PDHX: variants seen among roughly 807,000 people sequenced by gnomAD.
The protein encoded by PDHX is pyruvate dehydrogenase protein X component, mitochondrial.
A neutral mutation model predicts 55.3 loss-of-function variants in PDHX; 33 were observed. The ratio of observed to expected loss-of-function variants is 0.60; its 90% CI spans 0.45 to 0.80. The LOEUF (loss-of-function observed/expected upper bound fraction) is 0.80. Among genes scored for constraint, PDHX ranks in the 30% least tolerant of loss-of-function variants. PDHX has a pLI of 0.00. For missense variants in PDHX, 622 were observed against 619.9 expected, an observed-to-expected ratio of 1.00 and a Z score of -0.04; for synonymous variants, 226 against 219.4, an observed-to-expected ratio of 1.03 and a Z score of -0.27.
chr11:34,917,111 C>T (rs1853738774), intron 1 of PDHX, among the ~76,000 whole-genome samples: 1 of 152,156 alleles, frequency 6.6e-6, no homozygotes, highest in Non-Finnish European at 1.5e-5. Flanking sequence ...ACTCTCCTCC[C>T]TCAGCCCCCT....
At chr11:34,946,045 G>A (rs538495440) in intron 2 of PDHX, among the ~76,000 whole-genome samples, 131 of 152,232 alleles carry the variant, frequency 8.6e-4, no homozygotes, top group Non-Finnish European at 1.6e-3. Context: ...CTCAGTCTTT[G>A]TCACTTAACT....
At chr11:34,962,878 T>G (rs79881701) in intron 5 of PDHX, among the ~76,000 whole-genome samples, 7,237 of 152,236 alleles carry the variant, frequency 0.048, 539 homozygotes, top group African/African-American at 0.16. Flanking sequence ...GAAACATTTC[T>G]TAAGAACAAA....
chr11:34,970,883 C>G (rs1489241754), intron 7 of PDHX, among the ~76,000 whole-genome samples: 1 of 152,104 alleles, frequency 6.6e-6, no homozygotes, highest in Non-Finnish European at 1.5e-5. Flanking sequence ...ATCTGAAGTA[C>G]TATAATTTGG....
At chr11:34,994,809 T>A in intron 10 of PDHX, 105 bp from the exon 11 acceptor site, 1 of 1,231,890 alleles carries the variant, frequency 8.1e-7, no homozygotes, top group African/African-American at 1.5e-5. Context: ...TATTTTTTTC[T>A]TGCCTTACTA....
At chr11:34,957,129 A>G (rs1372507521) in intron 3 of PDHX, among the ~76,000 whole-genome samples, 1 of 152,208 alleles carries the variant, frequency 6.6e-6, no homozygotes, top group East Asian at 1.9e-4. Flanking sequence ...GCTCTCAGAA[A>G]GAGGATACAT....
At chr11:34,967,142 G>A (rs556132559) in intron 6 of PDHX, among the ~76,000 whole-genome samples, 10 of 152,184 alleles carry the variant, frequency 6.6e-5, no homozygotes, top group African/African-American at 2.2e-4. Flanking sequence ...GTGAATCACC[G>A]CACCTGGCCT....
At chr11:34,939,361 G>T (rs520658) in intron 2 of PDHX, among the ~76,000 whole-genome samples, 1 of 152,074 alleles carries the variant, frequency 6.6e-6, no homozygotes, top group African/African-American at 2.4e-5. Flanking sequence ...ACTTCTAAGC[G>T]AAGACTAGAT....
At chr11:34,959,786 A>G (rs1185449347) in intron 4 of PDHX, among the ~76,000 whole-genome samples, 1 of 152,188 alleles carries the variant, frequency 6.6e-6, no homozygotes, top group Non-Finnish European at 1.5e-5. Context: ...TATGCTCAGT[A>G]AAATAAGCCA....
At chr11:34,949,451 T>A (rs1211858883) in intron 3 of PDHX, among the ~76,000 whole-genome samples, 1 of 147,762 alleles carries the variant, frequency 6.8e-6, no homozygotes, top group Non-Finnish European at 1.5e-5. Context: ...TTGGTCAGGC[T>A]GGTTTTGAAC....
At chr11:34,991,906 C>CAAAAAAAAAA (rs1169109545) in intron 9 of PDHX, among the ~76,000 whole-genome samples, 9 of 37,176 alleles carry the variant, frequency 2.4e-4, no homozygotes, top group South Asian at 8.8e-4. Context: ...TGAGACTTCT[C>CAAAAAAAAAA]AAAAAAAAAA....
intron 3 of PDHX, among the ~76,000 whole-genome samples, chr11:34,956,180 C>T (rs956728696): frequency 2.0e-4 from 30 of 148,516 alleles, no homozygotes; most frequent in Admixed American, 4.8e-4. Flanking sequence ...ATTAAACATT[C>T]CTATTCAGCT....
At chr11:34,946,117 T>C (rs911137398) in intron 2 of PDHX, among the ~76,000 whole-genome samples, 2 of 152,258 alleles carry the variant, frequency 1.3e-5, no homozygotes, top group African/African-American at 4.8e-5. Context: ...TCTTTTTGTC[T>C]GCCTGTATGA....
In PDHX at chr11:34,918,783, T is replaced by G. The variant is rs549321078; in HGVS notation, c.160+1968T>G. ...AGCTATTGGTAGGAGCTGCATTCTTTTCTGGAGGCTCGAGACCCCATTCCC... is the reference window on the plus strand; with the variant it reads ...AGCTATTGGTAGGAGCTGCATTCTTGTCTGGAGGCTCGAGACCCCATTCCC... On this transcript the variant is annotated intron_variant, in intron 1 of 10. Coordinates refer to ENST00000227868, the MANE Select transcript of PDHX (RefSeq NM_003477.3). Among the ~76,000 whole-genome samples the G allele has an allele frequency of 2.0e-5, 3 of 152,334 alleles. No homozygotes were observed. In the South Asian group the frequency reaches 6.2e-4, roughly 32 times the overall value.
At chr11:34,969,913 T>G (rs900592398) in intron 6 of PDHX, among the ~76,000 whole-genome samples, 23 of 152,220 alleles carry the variant, frequency 1.5e-4, no homozygotes, top group African/African-American at 4.8e-5. Context: ...AACATGAATT[T>G]TATTACTTTT....
At chr11:34,991,842 G>A (rs1405619703) in intron 9 of PDHX, among the ~76,000 whole-genome samples, 1 of 149,488 alleles carries the variant, frequency 6.7e-6, no homozygotes, top group Non-Finnish European at 1.5e-5. Flanking sequence ...CCTGGGAGAT[G>A]GAGGTTGCAA....
chr11:34,951,973 G>A (rs1565157808), intron 3 of PDHX, among the ~76,000 whole-genome samples: 2 of 152,024 alleles, frequency 1.3e-5, no homozygotes, highest in African/African-American at 2.4e-5. Flanking sequence ...CCTATTGCTT[G>A]TTTTTCTCAG....
At chr11:34,963,571 T>TG (rs1198532321) in intron 5 of PDHX, among the ~76,000 whole-genome samples, 9 of 152,144 alleles carry the variant, frequency 5.9e-5, no homozygotes. Flanking sequence ...TGAGCCACTG[T>TG]GCCCAGCCAA....
intron 5 of PDHX, among the ~76,000 whole-genome samples, chr11:34,964,043 C>G: frequency 6.6e-6 from 1 of 152,132 alleles, no homozygotes; most frequent in Admixed American, 6.5e-5. Context: ...CTCAGGGAAC[C>G]CAGTAGAGAA....
intron 8 of PDHX, among the ~76,000 whole-genome samples, chr11:34,978,921 A>G (rs977590463): frequency 6.6e-6 from 1 of 152,192 alleles, no homozygotes; most frequent in African/African-American, 2.4e-5. Context: ...CTTATACTTC[A>G]GAAACGAAAA....
Sources: gnomAD v4.1 joint callset for allele counts (sites outside exome capture counted in the v4.1 genomes callset) on GRCh38, gnomAD v4.1.1 for gene constraint, MANE v1.5 for transcripts, NCBI Gene and HGNC (gene_info 2026-07-23, HGNC 2026-07-21) for gene names.